Variants in RGS5 observed in about 807,000 individuals in gnomAD.
The protein encoded by RGS5 is regulator of G-protein signalling 5.
In RGS5, 20 loss-of-function variants were observed where a neutral mutation model predicts 18.9. That is an observed-to-expected ratio of 1.06 (90% CI 0.74 to 1.54). The LOEUF (loss-of-function observed/expected upper bound fraction) is 1.54, where lower values mean the gene tolerates loss of function less well. Ranked by LOEUF, RGS5 falls within the 40% of genes most tolerant of loss-of-function variation. RGS5 has a pLI of 0.00. For synonymous variants in RGS5, 57 were observed against 76.2 expected, an observed-to-expected ratio of 0.75 and a Z score of 1.31; for missense variants, 201 against 211.8, an observed-to-expected ratio of 0.95 and a Z score of 0.32.
intron 2 of RGS5, among the ~76,000 whole-genome samples, chr1:163,251,794 AC>A (rs1648113564): frequency 6.6e-6 from 1 of 152,140 alleles, no homozygotes; most frequent in Non-Finnish European, 1.5e-5. Context: ...AGATTGACTT[AC>A]TTTCACTCAG....
Position 163,249,753 on chromosome 1 carries a change from C to T in RGS5, c.-281+56480G>A, listed in dbSNP as rs187730086. ...TTGCAGTGAGCTGAGATCACGCCACCGCACTCCAACCTGAGCAACAGAGCA... is the reference window on the plus strand; with the variant it reads ...TTGCAGTGAGCTGAGATCACGCCACTGCACTCCAACCTGAGCAACAGAGCA... On this transcript the variant is annotated intron_variant, in intron 2 of 5. Coordinates refer to the RGS5 transcript ENST00000618415. Among the ~76,000 whole-genome samples the T allele has an allele frequency of 1.6e-4, 24 of 152,088 alleles. No individual in the cohort carries two copies. In the East Asian group the frequency reaches 3.5e-3, roughly 22 times the overall value.
intron 2 of RGS5, among the ~76,000 whole-genome samples, chr1:163,257,230 A>C (rs1054356065): frequency 6.6e-6 from 1 of 152,136 alleles, no homozygotes; most frequent in Non-Finnish European, 1.5e-5. Context: ...TAAAGCAAAA[A>C]GGAGGAATGC....
chr1:163,173,580 A>T (rs987850115), intron 1 of RGS5, among the ~76,000 whole-genome samples: 7 of 152,232 alleles, frequency 4.6e-5, no homozygotes, highest in African/African-American at 1.7e-4. Context: ...AAACATGGTT[A>T]AATTTTGAGA....
intron 2 of RGS5, among the ~76,000 whole-genome samples, chr1:163,243,519 C>A (rs924664264): frequency 2.0e-5 from 3 of 151,458 alleles, no homozygotes; most frequent in Middle Eastern, 3.4e-3. Context: ...TGGTGGCGGG[C>A]GCCTGTAGTC....
chr1:163,282,845 G>A (rs1341992496), intron 2 of RGS5, among the ~76,000 whole-genome samples: 2 of 152,034 alleles, frequency 1.3e-5, no homozygotes, highest in Non-Finnish European at 2.9e-5. Flanking sequence ...CATGTTTATT[G>A]CAGCACTATT....
chr1:163,289,262 C>T (rs1649218866), intron 2 of RGS5, among the ~76,000 whole-genome samples: 1 of 151,844 alleles, frequency 6.6e-6, no homozygotes, highest in Non-Finnish European at 1.5e-5. Context: ...CACAATACCC[C>T]TACACCTTTG....
chr1:163,228,808 T>A (rs895158314), intron 2 of RGS5, among the ~76,000 whole-genome samples: 1 of 152,150 alleles, frequency 6.6e-6, no homozygotes, highest in African/African-American at 2.4e-5. Flanking sequence ...GTTCCACAGA[T>A]CTCTAGGGCA....
At chr1:163,208,347 CAAAAAAAAAAAAA>C (rs55848330) in intron 1 of RGS5, among the ~76,000 whole-genome samples, 1 of 37,894 alleles carries the variant, frequency 2.6e-5, no homozygotes, top group Non-Finnish European at 5.7e-5. Flanking sequence ...GACTCCGTCT[CAAAAAAAAAAAAA>C]AAAAAAAAAA....
At chr1:163,262,151 C>CTTTTTTTTTTTTTTT (rs532698783) in intron 2 of RGS5, among the ~76,000 whole-genome samples, 51 of 121,094 alleles carry the variant, frequency 4.2e-4, no homozygotes, top group African/African-American at 1.5e-3. Flanking sequence ...AGTTTTGAAA[C>CTTTTTTTTTTTTTTT]TTTTTTTTTT....
rs142185080 is a variant in RGS5, at chr1:163,146,964, A to G, written c.*378T>C. ...AAGCTCCTTTGAAATAGGTCTGTCC[A>G]CACTTAATATTCTTTTTTAGACCAA... is the stretch of plus-strand genomic sequence containing the variant. On this transcript the variant is annotated 3_prime_UTR_variant, in exon 5 of 5. Transcript: ENST00000313961. 7.3e-3 allele frequency: 1,157 copies of G among 158,512 alleles called. 9 individuals are homozygous for G. Among genetic ancestry groups the G allele is most frequent in the Non-Finnish European group, 0.012 (861 of 72,234 alleles). The allele number at this position is 158,512 out of a possible 1,614,324, so 9.8% of individuals were successfully genotyped here. A position where few individuals can be genotyped will look rare whatever the true frequency, so the allele number is the denominator to read the frequency against.
upstream of RGS5, among the ~76,000 whole-genome samples, chr1:163,205,344 G>GT (rs1491206336): frequency 8.5e-5 from 2 of 23,634 alleles, no homozygotes; most frequent in African/African-American, 1.9e-4. Context: ...TTTAACCACA[G>GT]TAAAAAAAAA....
chr1:163,196,916 G>T (rs1400798309), intron 1 of RGS5, among the ~76,000 whole-genome samples: 1 of 152,128 alleles, frequency 6.6e-6, no homozygotes, highest in Non-Finnish European at 1.5e-5. Flanking sequence ...AAGTGCTCTT[G>T]TCTCTATTTG....
chr1:163,308,844 A>AT (rs1649776463), intron 1 of RGS5, among the ~76,000 whole-genome samples: 1 of 152,222 alleles, frequency 6.6e-6, no homozygotes, highest in South Asian at 2.1e-4. Flanking sequence ...AATGACACAA[A>AT]TTTTTTGGTT....
At chr1:163,278,832 A>G (rs1187480920) in intron 2 of RGS5, among the ~76,000 whole-genome samples, 2 of 152,132 alleles carry the variant, frequency 1.3e-5, no homozygotes, top group Admixed American at 1.3e-4. Context: ...ATACACATAG[A>G]CTGAAAGTGA....
At chr1:163,254,079 T>C (rs1350411417) in intron 2 of RGS5, among the ~76,000 whole-genome samples, 1 of 150,770 alleles carries the variant, frequency 6.6e-6, no homozygotes, top group Non-Finnish European at 1.5e-5. Flanking sequence ...GTTCCAAGTC[T>C]TTGCTATTGT....
At chr1:163,181,543 C>T (rs1439101309) in intron 1 of RGS5, among the ~76,000 whole-genome samples, 1 of 152,172 alleles carries the variant, frequency 6.6e-6, no homozygotes, top group Non-Finnish European at 1.5e-5. Flanking sequence ...TTTCCAAGTT[C>T]TCGTGGCCAG....
intron 2 of RGS5, among the ~76,000 whole-genome samples, chr1:163,269,300 G>C (rs1275109787): frequency 6.6e-6 from 1 of 152,120 alleles, no homozygotes; most frequent in South Asian, 2.1e-4. Flanking sequence ...CTTAGCTAAT[G>C]GGTGTCTGTG....
chr1:163,165,767 G>A (rs552090482), intron 2 of RGS5, among the ~76,000 whole-genome samples: 1 of 152,248 alleles, frequency 6.6e-6, no homozygotes, highest in East Asian at 1.9e-4. Flanking sequence ...TTAGCCGGGC[G>A]TGGTGGCACA....
At chr1:163,211,632 A>G (rs1287310152) in intron 1 of RGS5, 1 of 152,202 alleles carries the variant, frequency 6.6e-6, no homozygotes, top group Non-Finnish European at 1.5e-5. Context: ...ACTCAACTAT[A>G]GAATAAGATG....
Sources: allele counts gnomAD v4.1 joint callset (sites outside exome capture counted in the v4.1 genomes callset), GRCh38; gene constraint gnomAD v4.1.1; transcripts MANE v1.5; gene names NCBI Gene and HGNC (gene_info 2026-07-23, HGNC 2026-07-21).